CA10: variants seen among roughly 807,000 people sequenced by gnomAD.
The protein encoded by CA10 is carbonic anhydrase-related protein 10.
CA10 carries 14 observed loss-of-function variants against 44.2 expected under a neutral mutation model. The ratio of observed to expected loss-of-function variants is 0.32; its 90% CI spans 0.21 to 0.50. The LOEUF (loss-of-function observed/expected upper bound fraction) is 0.50, where lower values mean the gene tolerates loss of function less well. Ranked by LOEUF, CA10 falls within the 20% of genes least tolerant of loss-of-function variation. The pLI is 0.99. For missense variants in CA10, 350 were observed against 409.7 expected (o/e 0.85, Z 1.26); for synonymous variants, 159 against 141.6 (o/e 1.12, Z -0.87).
At chr17:51,731,949 C>G (rs1215517132) in intron 4 of CA10, among the ~76,000 whole-genome samples, 1 of 152,176 alleles carries the variant, frequency 6.6e-6, no homozygotes, top group Admixed American at 6.5e-5. Context: ...TGCTAGCACT[C>G]TGTGCCAGAT....
At chr17:51,891,213 G>T (rs1343040638) in intron 3 of CA10, among the ~76,000 whole-genome samples, 1 of 152,134 alleles carries the variant, frequency 6.6e-6, no homozygotes, top group African/African-American at 2.4e-5. Flanking sequence ...GGACTGAGGT[G>T]GTGTGTGTGA....
intron 2 of CA10, among the ~76,000 whole-genome samples, chr17:51,973,493 G>T (rs1327030196): frequency 6.6e-6 from 1 of 152,212 alleles, no homozygotes; most frequent in Non-Finnish European, 1.5e-5. Context: ...AGGTCTAGCA[G>T]AGAATAACTT....
At chr17:51,865,535 A>C (rs1186037709) in intron 3 of CA10, among the ~76,000 whole-genome samples, 1 of 152,222 alleles carries the variant, frequency 6.6e-6, no homozygotes, top group Non-Finnish European at 1.5e-5. Flanking sequence ...GCCAGGCCGC[A>C]GGGCAGTGTC....
At chr17:52,052,855 G>A (rs1193683009) in intron 2 of CA10, among the ~76,000 whole-genome samples, 1 of 152,000 alleles carries the variant, frequency 6.6e-6, no homozygotes, top group Non-Finnish European at 1.5e-5. Context: ...GTTTGGATAT[G>A]GCATTTGCTC....
intron 5 of CA10, among the ~76,000 whole-genome samples, chr17:51,650,352 C>A (rs141732483): frequency 1.1e-3 from 171 of 152,258 alleles, no homozygotes; most frequent in African/African-American, 4.1e-3. Context: ...CATTTTAAAT[C>A]TGATTTATCT....
At chr17:51,871,031 T>C (rs913497262) in intron 3 of CA10, among the ~76,000 whole-genome samples, 3 of 151,530 alleles carry the variant, frequency 2.0e-5, no homozygotes, top group Non-Finnish European at 2.9e-5. Context: ...CCTTCCTTCT[T>C]TACTTTCTTC....
At chr17:51,785,362 G>A (rs575740588) in intron 3 of CA10, among the ~76,000 whole-genome samples, 1 of 152,244 alleles carries the variant, frequency 6.6e-6, no homozygotes, top group African/African-American at 2.4e-5. Flanking sequence ...CAAAATATTT[G>A]AATAGACATT....
intron 4 of CA10, among the ~76,000 whole-genome samples, chr17:51,693,914 T>A (rs1378458702): frequency 6.6e-6 from 1 of 152,068 alleles, no homozygotes; most frequent in African/African-American, 2.4e-5. Flanking sequence ...CTTTAAGAAA[T>A]TCACCCCCGG....
chr17:51,921,496 A>C (rs1231629018), intron 3 of CA10, among the ~76,000 whole-genome samples: 1 of 152,248 alleles, frequency 6.6e-6, no homozygotes, highest in Non-Finnish European at 1.5e-5. Context: ...ATGCATAGAC[A>C]GAGAAAACTG....
At chr17:52,083,523 T>G (rs1230277937) in intron 1 of CA10, among the ~76,000 whole-genome samples, 1 of 152,154 alleles carries the variant, frequency 6.6e-6, no homozygotes, top group Non-Finnish European at 1.5e-5. Flanking sequence ...CCTTAATGGG[T>G]ATATTATACT....
intron 4 of CA10, among the ~76,000 whole-genome samples, chr17:51,703,901 C>A (rs566304548): frequency 3.4e-4 from 52 of 150,898 alleles, no homozygotes; most frequent in Admixed American, 1.4e-3. Context: ...AAGTTTATCA[C>A]CTTCTTTCAG....
chr17:52,086,875 G>A (rs1206868886), intron 1 of CA10, among the ~76,000 whole-genome samples: 1 of 152,178 alleles, frequency 6.6e-6, no homozygotes, highest in South Asian at 2.1e-4. Context: ...TCCACATGCA[G>A]CTTTAGCCAT....
At chr17:52,136,355 A>G (rs1989358303) in intron 1 of CA10, among the ~76,000 whole-genome samples, 1 of 152,184 alleles carries the variant, frequency 6.6e-6, no homozygotes, top group African/African-American at 2.4e-5. Flanking sequence ...GTCTCCTAAC[A>G]TGCCTGGGGC....
intron 1 of CA10, among the ~76,000 whole-genome samples, chr17:52,073,206 T>G (rs918143296): frequency 1.3e-5 from 2 of 152,252 alleles, no homozygotes; most frequent in Non-Finnish European, 2.9e-5. Flanking sequence ...TGTTAAATCT[T>G]AACTTTTTTC....
chr17:52,036,764 G>T (rs541208771), intron 2 of CA10, among the ~76,000 whole-genome samples: 4 of 152,286 alleles, frequency 2.6e-5, no homozygotes, highest in Middle Eastern at 3.4e-3. Flanking sequence ...ATAAGATAAT[G>T]AATGTATAGT....
At chr17:51,715,596 G>A (rs1435178098) in intron 4 of CA10, among the ~76,000 whole-genome samples, 5 of 152,094 alleles carry the variant, frequency 3.3e-5, no homozygotes, top group South Asian at 4.2e-4. Flanking sequence ...ACACTCTTTC[G>A]GTTATTTTAA....
intron 1 of CA10, among the ~76,000 whole-genome samples, chr17:52,129,791 G>A (rs1017040412): frequency 1.3e-5 from 2 of 152,176 alleles, no homozygotes; most frequent in African/African-American, 4.8e-5. Flanking sequence ...CATAGGCCTG[G>A]ACACAGGGAA....
intron 6 of CA10, among the ~76,000 whole-genome samples, chr17:51,638,408 C>T (rs955861965): frequency 1.2e-4 from 18 of 152,124 alleles, no homozygotes; most frequent in Non-Finnish European, 2.4e-4. Flanking sequence ...TCTACCTTTC[C>T]GTCAAAACAC....
chr17:52,154,404 T>C (rs929573317), intron 1 of CA10, among the ~76,000 whole-genome samples: 1 of 152,208 alleles, frequency 6.6e-6, no homozygotes, highest in African/African-American at 2.4e-5. Flanking sequence ...TGGTTATTGA[T>C]GTTATTATTA....
Sources: gnomAD v4.1 joint callset for allele counts (sites outside exome capture counted in the v4.1 genomes callset) on GRCh38, gnomAD v4.1.1 for gene constraint, MANE v1.5 for transcripts, NCBI Gene and HGNC (gene_info 2026-07-23, HGNC 2026-07-21) for gene names.